Variants in SS18L1 observed in about 807,000 individuals in gnomAD.
SS18L1 encodes calcium-responsive transactivator.
In SS18L1, 32 loss-of-function variants were observed where a neutral mutation model predicts 70.3. That is an observed-to-expected ratio of 0.46 (90% CI 0.34 to 0.61). SS18L1 has a LOEUF of 0.61. Ranked by LOEUF, SS18L1 falls within the 20% of genes least tolerant of loss-of-function variation. The probability of loss-of-function intolerance (pLI) is 0.01; values close to 1 mark genes in which losing one functional copy is unlikely to be tolerated. For missense variants in SS18L1, 430 were observed against 542.1 expected, an observed-to-expected ratio of 0.79 and a Z score of 2.05; for synonymous variants, 237 against 229.7, an observed-to-expected ratio of 1.03 and a Z score of -0.29.
chr20:62,175,188 C>A (rs1011935624), intron 10 of SS18L1: 14 of 963,480 alleles, frequency 1.5e-5, no homozygotes, highest in Non-Finnish European at 1.7e-5. Context: ...GAGGGGGAAG[C>A]CCTTTCTGCC....
At chr20:62,179,135 T>C in intron 10 of SS18L1, 47 bp from the exon 11 acceptor site, 1 of 1,611,164 alleles carries the variant, frequency 6.2e-7, no homozygotes, top group South Asian at 1.1e-5. Context: ...CTGTCTTCCT[T>C]TCACTCATTA....
rs563853113 is a variant in SS18L1 at position 62,167,775 on chromosome 20, C to T, written c.916+2261C>T. Among the ~76,000 whole-genome samples, 126 of 152,242 alleles carry T rather than the reference C, an allele frequency of 8.3e-4. 1 individual carries two copies. Among genetic ancestry groups the T allele is most frequent in the African/African-American group, 2.6e-3 (110 of 41,566 alleles). Reference sequence around the variant, plus strand: ...CCACACTTTGTCCCAAAAACAAACGCAGGATGTGCTGCTCAGCCTTTTAGT... The same window carrying T: ...CCACACTTTGTCCCAAAAACAAACGTAGGATGTGCTGCTCAGCCTTTTAGT... On this transcript the variant is annotated intron_variant, in intron 8 of 10. Coordinates refer to ENST00000331758, the MANE Select transcript of SS18L1 (RefSeq NM_198935.3).
chr20:62,166,402 C>T (rs1167767926), intron 8 of SS18L1, among the ~76,000 whole-genome samples: 2 of 152,214 alleles, frequency 1.3e-5, no homozygotes, highest in East Asian at 1.9e-4. Context: ...AGGCACTAAA[C>T]GGCTACAGAT....
At chr20:62,160,108 G>T in intron 3 of SS18L1, 147 bp downstream of exon 3, 2 of 825,544 alleles carry the variant, frequency 2.4e-6, no homozygotes, top group Non-Finnish European at 3.8e-6. Context: ...ATGGGAGTGT[G>T]GGCGGTGGTG....
chr20:62,170,847 G>C (rs1402105221), intron 8 of SS18L1, among the ~76,000 whole-genome samples: 1 of 152,190 alleles, frequency 6.6e-6, no homozygotes, highest in East Asian at 1.9e-4. Flanking sequence ...CATACCTGCT[G>C]GGTGCCAGGG....
chr20:62,178,498 A>G (rs6121946), intron 10 of SS18L1, among the ~76,000 whole-genome samples: 13,279 of 151,828 alleles, frequency 0.087, 725 homozygotes, highest in South Asian at 0.2. Context: ...GTCTTGCTGT[A>G]CTGCCCAGGC....
At chr20:62,172,634 C>A (rs1282291670) in intron 8 of SS18L1, 48 bp from the exon 9 acceptor site, 1 of 1,613,346 alleles carries the variant, frequency 6.2e-7, no homozygotes, top group African/African-American at 1.3e-5. Context: ...AATGAGCCCC[C>A]TTAGCCCAGG....
chr20:62,164,569 G>C (rs563042978), intron 7 of SS18L1, among the ~76,000 whole-genome samples: 1 of 152,226 alleles, frequency 6.6e-6, no homozygotes, highest in African/African-American at 2.4e-5. Flanking sequence ...GCTGTAGATA[G>C]GTGGAAATGT....
chr20:62,154,661 CACGT>C (rs2145714411), intron 1 of SS18L1, among the ~76,000 whole-genome samples: 1 of 152,358 alleles, frequency 6.6e-6, no homozygotes, highest in South Asian at 2.1e-4. Context: ...CACTGTCCTT[CACGT>C]GGAACCTGGT....
At chr20:62,169,648 G>GCAT (rs2057494808) in intron 8 of SS18L1, among the ~76,000 whole-genome samples, 1 of 152,000 alleles carries the variant, frequency 6.6e-6, no homozygotes, top group African/African-American at 2.4e-5. Context: ...GCTTGGTGGC[G>GCAT]CATGTCTGTA....
At chr20:62,153,738 C>T (rs1168671304) in intron 1 of SS18L1, among the ~76,000 whole-genome samples, 3 of 152,154 alleles carry the variant, frequency 2.0e-5, no homozygotes, top group Non-Finnish European at 4.4e-5. Flanking sequence ...GGGTTTCAGT[C>T]TCGGGGCTGC....
rs187736681 is a variant in SS18L1, at chr20:62,181,751, T to C, written c.*2543T>C. 12 of 224,468 alleles carry C rather than the reference T, an allele frequency of 5.3e-5. No homozygotes were observed. Among genetic ancestry groups the C allele is most frequent in the African/African-American group, 2.7e-4 (12 of 44,814 alleles). The allele number at this position is 224,468 out of a possible 1,614,324, so 13.9% of individuals were successfully genotyped here. A position where few individuals can be genotyped will look rare whatever the true frequency, so the allele number is the denominator to read the frequency against. On this transcript the variant is annotated 3_prime_UTR_variant, in exon 11 of 11. Coordinates refer to ENST00000331758, the MANE Select transcript of SS18L1 (RefSeq NM_198935.3). Reference sequence around the variant, plus strand: ...TGGGGAAAGTGATGCCAGCAGTTCCTTTTCATTATTCTATCTTCTGTCATA... The same window carrying C: ...TGGGGAAAGTGATGCCAGCAGTTCCCTTTCATTATTCTATCTTCTGTCATA...
chr20:62,168,480 G>A (rs1481012227), intron 8 of SS18L1, among the ~76,000 whole-genome samples: 1 of 152,096 alleles, frequency 6.6e-6, no homozygotes, highest in Admixed American at 6.5e-5. Flanking sequence ...TGGGTCAAAG[G>A]CACCATAAAG....
chr20:62,147,154 G>C (rs1049735807), intron 1 of SS18L1, among the ~76,000 whole-genome samples: 2 of 152,172 alleles, frequency 1.3e-5, no homozygotes, highest in South Asian at 4.1e-4. Flanking sequence ...AGGGTCCCGA[G>C]CCTGGCCTGC....
At chr20:62,151,922 G>A (rs1226440826) in intron 1 of SS18L1, among the ~76,000 whole-genome samples, 2 of 105,928 alleles carry the variant, frequency 1.9e-5, no homozygotes, top group African/African-American at 4.2e-5. Context: ...GGCCTCCCCC[G>A]TTCTCCTCTT....
intron 1 of SS18L1, among the ~76,000 whole-genome samples, chr20:62,151,398 A>T (rs1012112094): frequency 1.3e-5 from 2 of 152,128 alleles, no homozygotes; most frequent in Non-Finnish European, 2.9e-5. Flanking sequence ...GTCCATTGCC[A>T]TGGCCGTGGC....
In SS18L1 at chr20:62,174,666, A is replaced by G; in HGVS notation, c.1164+22A>G. On this transcript the variant is annotated intron_variant, in intron 10 of 10. Coordinates refer to ENST00000331758, the MANE Select transcript of SS18L1 (RefSeq NM_198935.3). This position sits in a 1 kb window ranked among gnomAD's most constrained non-coding sequence, Gnocchi z 4.1. The stretch of plus-strand genomic sequence containing the variant: ...ACAGGCAAGCTTTCTGGATGTTTCC[A>G]GATGTGCCCATCCGCCGCGCCTGTC... 6.2e-7 allele frequency: 1 copy of G among 1,613,254 alleles called. No homozygotes were observed. The highest frequency in any genetic ancestry group is 8.5e-7 in the Non-Finnish European group (1 of 1,180,002).
At chr20:62,148,150 A>AG (rs1350695971) in intron 1 of SS18L1, among the ~76,000 whole-genome samples, 1 of 152,042 alleles carries the variant, frequency 6.6e-6, no homozygotes, top group Non-Finnish European at 1.5e-5. Flanking sequence ...CCGCAGGGAT[A>AG]GGGGGGTTGG....
chr20:62,172,517 G>C lies in SS18L1; in HGVS notation c.917-165G>C, dbSNP rs6121939. ...TAGCTTTCCATTTGTATTTCTATAAGATAAAGGTGTAGTATAGTATTTGAA... is the reference window on the plus strand; with the variant it reads ...TAGCTTTCCATTTGTATTTCTATAACATAAAGGTGTAGTATAGTATTTGAA... On this transcript the variant is annotated intron_variant, in intron 8 of 10. Transcript: ENST00000331758. Among the ~76,000 whole-genome samples, 20,841 of 152,134 alleles carry C rather than the reference G, an allele frequency of 0.14. 1,752 individuals are homozygous for C. The highest frequency in any genetic ancestry group is 0.24 in the South Asian group (1,150 of 4,822).
Sources: allele counts gnomAD v4.1 joint callset (sites outside exome capture counted in the v4.1 genomes callset), GRCh38; gene constraint gnomAD v4.1.1; non-coding constraint Gnocchi (gnomAD v3.1); transcripts MANE v1.5; gene names NCBI Gene and HGNC (gene_info 2026-07-23, HGNC 2026-07-21).